NFATC1: variants seen among roughly 807,000 people sequenced by gnomAD.
NFATC1 encodes nuclear factor of activated T cells 1, also known as nuclear factor of activated T-cells, cytoplasmic 1.
NFATC1 carries 22 observed loss-of-function variants against 76.0 expected under a neutral mutation model. That is an observed-to-expected ratio of 0.29 (90% CI 0.21 to 0.41). NFATC1 has a LOEUF of 0.41. NFATC1 is among the 10% of genes least tolerant of loss of function. The pLI is 1.00. For synonymous variants in NFATC1, 704 were observed against 613.1 expected, an observed-to-expected ratio of 1.15 and a Z score of -2.19; for missense variants, 1,357 against 1,337.7, an observed-to-expected ratio of 1.01 and a Z score of -0.23.
intron 9 of NFATC1, among the ~76,000 whole-genome samples, chr18:79,517,548 G>T (rs1187202636): frequency 6.6e-6 from 1 of 152,200 alleles, no homozygotes; most frequent in East Asian, 1.9e-4. Context: ...GAGGCAATAG[G>T]AACATGCCCC....
intron 3 of NFATC1, among the ~76,000 whole-genome samples, chr18:79,441,893 T>A (rs1396867280): frequency 1.3e-5 from 2 of 152,068 alleles, no homozygotes; most frequent in African/African-American, 2.4e-5. Context: ...TTTAATTAAA[T>A]CTAAACGTGG....
At chr18:79,507,183 A>G in intron 9 of NFATC1, among the ~76,000 whole-genome samples, 1 of 152,210 alleles carries the variant, frequency 6.6e-6, no homozygotes, top group East Asian at 1.9e-4. Context: ...CGCCCCAGAC[A>G]GGCCCTATCA....
Position 79,415,375 on chromosome 18 carries a change from T to C in NFATC1, c.1226+3874T>C, listed in dbSNP as rs546698325. Reference sequence around the variant, plus strand: ...TCGGCTCACTGCAAGCTTTGCCTCCTGGGTTCACGCCATTCTCCTGACTCA... The same window carrying C: ...TCGGCTCACTGCAAGCTTTGCCTCCCGGGTTCACGCCATTCTCCTGACTCA... On this transcript the variant is annotated intron_variant, in intron 2 of 9. Coordinates refer to ENST00000427363, the MANE Select transcript of NFATC1 (RefSeq NM_001278669.2). 1.1e-4 allele frequency among the ~76,000 whole-genome samples: 17 copies of C among 152,298 alleles called. No homozygotes were observed. The South Asian group carries it at 2.3e-3, about 20-fold the overall frequency.
chr18:79,412,710 C>T (rs1462062481), intron 2 of NFATC1, among the ~76,000 whole-genome samples: 1 of 152,210 alleles, frequency 6.6e-6, no homozygotes, highest in Admixed American at 6.5e-5. Context: ...TCTCTGAAGG[C>T]TTGTGGCAAA....
At chr18:79,449,868 G>C (rs1177546759) in intron 4 of NFATC1, among the ~76,000 whole-genome samples, 2 of 152,164 alleles carry the variant, frequency 1.3e-5, no homozygotes, top group Non-Finnish European at 2.9e-5. Flanking sequence ...GGCCACGTTG[G>C]GGATTTTAAT....
intron 9 of NFATC1, among the ~76,000 whole-genome samples, chr18:79,514,844 GA>G (rs2090340299): frequency 6.6e-6 from 1 of 151,920 alleles, no homozygotes; most frequent in African/African-American, 2.4e-5. Flanking sequence ...CCAGGAGTTG[GA>G]GACCAGCCTG....
At chr18:79,480,078 G>A (rs753145934) in intron 8 of NFATC1, among the ~76,000 whole-genome samples, 32 of 152,198 alleles carry the variant, frequency 2.1e-4, no homozygotes, top group East Asian at 5.8e-4. Flanking sequence ...TGACCACGTC[G>A]CAGCTCATGC....
rs919191782 is a variant in NFATC1 at position 79,410,927 on chromosome 18, G to A, written c.652G>A (p.Glu218Lys). The part of the protein sequence containing the change: ...PCVSPKTTDP[E>K]EGFPRGLGAC... ...CGTGTCTCCCAAGACCACGGACCCC[G>A]AGGAGGGCTTTCCCCGCGGGCTGGG... The change falls in exon 2 of 10, where the codon GAG (glutamate) becomes AAG (lysine). Residue 218 changes from glutamate to lysine, a missense_variant. By Grantham distance (56) the Glu-to-Lys change is moderately conservative (BLOSUM62 1). Transcript: ENST00000427363. This position sits in a 1 kb window ranked among gnomAD's most constrained non-coding sequence, Gnocchi z 6.7. 5.0e-6 allele frequency: 8 copies of A among 1,605,276 alleles called. No homozygotes were observed. The highest frequency in any genetic ancestry group is 1.7e-4 in the Middle Eastern group (1 of 6,038).
At chr18:79,423,044 G>C (rs147774839) in intron 2 of NFATC1, among the ~76,000 whole-genome samples, 1,845 of 151,758 alleles carry the variant, frequency 0.012, 35 homozygotes, top group African/African-American at 0.041. Flanking sequence ...GGGATGGCAG[G>C]GCCTGTGTCC....
chr18:79,463,833 G>A (rs2088283303), intron 7 of NFATC1, among the ~76,000 whole-genome samples: 1 of 152,200 alleles, frequency 6.6e-6, no homozygotes, highest in African/African-American at 2.4e-5. Flanking sequence ...CGGGTTGCGG[G>A]ATGCAGGATG....
At chr18:79,399,147 A>T (rs757831680) in intron 1 of NFATC1, among the ~76,000 whole-genome samples, 2 of 152,394 alleles carry the variant, frequency 1.3e-5, no homozygotes, top group Non-Finnish European at 2.9e-5. Context: ...CACTTGCCCA[A>T]GGTCGGCAAA....
chr18:79,396,385 T>C, intron 1 of NFATC1, 34 bp downstream of exon 1: 3 of 1,170,704 alleles, frequency 2.6e-6, no homozygotes, highest in South Asian at 3.3e-5. Flanking sequence ...CCCGGACCCC[T>C]GCGCCCCCCA....
rs1323927205 is a variant in NFATC1, at chr18:79,469,945, TGTTGACGCTGGGCCTACCTCGAGGCC to T, written c.2092+2364_2092+2389del. On this transcript the variant is annotated intron_variant, in intron 8 of 9. Coordinates refer to ENST00000427363, the MANE Select transcript of NFATC1 (RefSeq NM_001278669.2). ...GGCTGCCGCAGGGCGAGATCCCCAG[TGTTGACGCTGGGCCTACCTCGAGGCC>T]ACTGTCAGTGTGGTTGTTAAATAAA... is the stretch of plus-strand genomic sequence containing the variant. 2.4e-5 allele frequency: 24 copies of T among 985,466 alleles called. No individual in the cohort carries two copies. The Admixed American group carries it at 1.5e-3, about 61-fold the overall frequency. 61.0% of individuals were successfully genotyped at this position (985,466 alleles called of 1,614,324 possible).
chr18:79,407,010 C>T (rs144968669), intron 1 of NFATC1, among the ~76,000 whole-genome samples: 36 of 152,338 alleles, frequency 2.4e-4, no homozygotes, highest in Admixed American at 1.7e-3. Flanking sequence ...GGGCTTTGCA[C>T]GGGCCACGGA....
chr18:79,513,564 C>T (rs1600975302), intron 9 of NFATC1, among the ~76,000 whole-genome samples: 1 of 152,278 alleles, frequency 6.6e-6, no homozygotes, highest in Non-Finnish European at 1.5e-5. Flanking sequence ...GTGAGGGACA[C>T]GTGCTTTCCC....
At chr18:79,432,755 G>A (rs2086644185) in intron 2 of NFATC1, among the ~76,000 whole-genome samples, 1 of 152,224 alleles carries the variant, frequency 6.6e-6, no homozygotes, top group Non-Finnish European at 1.5e-5. Context: ...CCCCAGGAGT[G>A]TTGAGACAGT....
In NFATC1 at chr18:79,486,577, G is replaced by A; in HGVS notation, c.2422G>A (p.Ala808Thr). 5.0e-6 allele frequency: 8 copies of A among 1,591,914 alleles called. No homozygotes were observed. Among genetic ancestry groups the A allele is most frequent in the Non-Finnish European group, 6.8e-6 (8 of 1,173,738 alleles). ...PAVQDVPRPV[A>T]THPGSPGQPP... ...CGTCCAGGACGTGCCCAGGCCAGTG[G>A]CCACGCACCCCGGCTCGCCCGGGCA... The change falls in exon 9 of 10, where the codon GCC becomes ACC. Residue 808 changes from alanine to threonine, a missense_variant. This residue lies in a region of NFATC1 where 424 missense variants were observed against 395.4 expected (regional missense o/e 1.07). Coordinates refer to ENST00000427363, the MANE Select transcript of NFATC1 (RefSeq NM_001278669.2).
At chr18:79,484,899 C>T (rs764859786) in intron 8 of NFATC1, among the ~76,000 whole-genome samples, 18 of 152,204 alleles carry the variant, frequency 1.2e-4, no homozygotes, top group Non-Finnish European at 1.9e-4. Flanking sequence ...ACAGGTGCTC[C>T]GGCGTCTCGA....
intron 4 of NFATC1, among the ~76,000 whole-genome samples, chr18:79,449,542 G>A (rs1346318034): frequency 6.6e-6 from 1 of 152,272 alleles, no homozygotes. Flanking sequence ...CAGCCGAGGA[G>A]GAGGACTGCT....
Sources: gnomAD v4.1 joint callset for allele counts (sites outside exome capture counted in the v4.1 genomes callset) on GRCh38, gnomAD v4.1.1 for gene constraint, gnomAD v4.1.1 regional missense constraint, Gnocchi (gnomAD v3.1) non-coding constraint, MANE v1.5 for transcripts, NCBI Gene and HGNC (gene_info 2026-07-23, HGNC 2026-07-21) for gene names.